ANKRD62: variants seen among roughly 807,000 people sequenced by gnomAD.
ANKRD62 encodes ankyrin repeat domain-containing protein 62.
In ANKRD62, 61 loss-of-function variants were observed where a neutral mutation model predicts 98.8. The observed-to-expected ratio is 0.62, with a 90% CI of 0.50 to 0.76. The LOEUF is 0.76. ANKRD62 is among the 30% of genes least tolerant of loss of function. The pLI, the probability that ANKRD62 is intolerant of heterozygous loss-of-function variation, is 0.00. For synonymous variants in ANKRD62, 341 were observed against 367.9 expected (o/e 0.93, Z 0.84); for missense variants, 933 against 1,082.9 (o/e 0.86, Z 1.94).
rs141294744 is a variant in ANKRD62, at chr18:12,098,768, A to G, written c.753-847A>G. On this transcript the variant is annotated intron_variant, in intron 5 of 13. Coordinates refer to ENST00000587848, the MANE Select transcript of ANKRD62 (RefSeq NM_001277333.2). The stretch of plus-strand genomic sequence containing the variant: ...AAAAATAACCACTTGCATCTCCTTC[A>G]TGACCCTTCAAAAATATGAGGGTTT... Among the ~76,000 whole-genome samples the G allele has an allele frequency of 7.1e-3, 1,076 of 152,290 alleles. 21 individuals are homozygous for G. The highest frequency in any genetic ancestry group is 0.025 in the African/African-American group (1,023 of 41,568).
downstream of ANKRD62, among the ~76,000 whole-genome samples, chr18:12,133,104 G>A (rs1248398589): frequency 6.6e-6 from 1 of 151,918 alleles, no homozygotes; most frequent in Non-Finnish European, 1.5e-5. Flanking sequence ...CTAGTAACCT[G>A]TATTCTACTT....
the ANKRD62 span, among the ~76,000 whole-genome samples, chr18:12,135,871 C>T: frequency 6.6e-6 from 1 of 151,868 alleles, no homozygotes; most frequent in Non-Finnish European, 1.5e-5. Context: ...ATATCCTTTG[C>T]CCACTTTTTG....
the ANKRD62 span, among the ~76,000 whole-genome samples, chr18:12,151,631 G>A: frequency 3.3e-5 from 5 of 152,008 alleles, no homozygotes; most frequent in African/African-American, 9.6e-5. Flanking sequence ...TCAAATTAAC[G>A]ACCTAACATC....
chr18:12,125,361 T>A (rs1035477877), intron 12 of ANKRD62, 99 bp from the exon 13 acceptor site: 1 of 1,118,490 alleles, frequency 8.9e-7, no homozygotes, highest in African/African-American at 1.6e-5. Flanking sequence ...AACTCTTTCA[T>A]TGTATAAACG....
chr18:12,098,055 T>C (rs529495627), intron 5 of ANKRD62, among the ~76,000 whole-genome samples: 1 of 152,326 alleles, frequency 6.6e-6, no homozygotes, highest in South Asian at 2.1e-4. Context: ...TTAGTTGGGA[T>C]AGTTCTAACC....
the ANKRD62 span, among the ~76,000 whole-genome samples, chr18:12,170,019 T>C: frequency 6.6e-6 from 1 of 152,220 alleles, no homozygotes; most frequent in Non-Finnish European, 1.5e-5. Context: ...TTCTTCTGTC[T>C]TTTCTTCTTT....
chr18:12,161,007 T>A, the ANKRD62 span, among the ~76,000 whole-genome samples: 2 of 152,094 alleles, frequency 1.3e-5, no homozygotes, highest in Non-Finnish European at 2.9e-5. Flanking sequence ...CACTAACAAG[T>A]TTTTACTTAA....
chr18:12,145,355 T>G, the ANKRD62 span, among the ~76,000 whole-genome samples: 1 of 152,220 alleles, frequency 6.6e-6, no homozygotes, highest in Non-Finnish European at 1.5e-5. Flanking sequence ...AACAAAGATG[T>G]CAGCCCATTT....
chr18:12,152,166 T>C, the ANKRD62 span, among the ~76,000 whole-genome samples: 1 of 104,890 alleles, frequency 9.5e-6, no homozygotes, highest in African/African-American at 3.8e-5. Flanking sequence ...CCATTTCTGC[T>C]GAAATGCTTC....
chr18:12,167,879 C>G, the ANKRD62 span, among the ~76,000 whole-genome samples: 1 of 152,142 alleles, frequency 6.6e-6, no homozygotes, highest in South Asian at 2.1e-4. Flanking sequence ...CTCTGATGGC[C>G]AGTCATGATG....
rs532535407 is a variant in ANKRD62 at position 12,115,024 on chromosome 18, G to C, written c.1065-64G>C. 4.7e-5 allele frequency: 58 copies of C among 1,221,300 alleles called. No homozygotes were observed. In the African/African-American group the frequency reaches 8.5e-4, roughly 18 times the overall value. The allele number at this position is 1,221,300 out of a possible 1,614,324, so 75.7% of individuals were successfully genotyped here. On this transcript the variant is annotated intron_variant, in intron 8 of 13. Coordinates refer to ENST00000587848, the MANE Select transcript of ANKRD62 (RefSeq NM_001277333.2). Reference sequence around the variant, plus strand: ...AGAGATTTTATATAAAAAAGTTTTAGATATTCTTTGTATTTTACATATTTA... The same window carrying C: ...AGAGATTTTATATAAAAAAGTTTTACATATTCTTTGTATTTTACATATTTA...
the ANKRD62 span, among the ~76,000 whole-genome samples, chr18:12,171,708 C>G: frequency 6.6e-6 from 1 of 152,176 alleles, no homozygotes; most frequent in Non-Finnish European, 1.5e-5. Context: ...TGGGGAAGTT[C>G]TCCTGGGTAA....
the ANKRD62 span, among the ~76,000 whole-genome samples, chr18:12,165,866 C>T: frequency 6.6e-6 from 1 of 151,870 alleles, no homozygotes; most frequent in Non-Finnish European, 1.5e-5. Flanking sequence ...GTTTTTGTTT[C>T]TCCTTCATGA....
the ANKRD62 span, among the ~76,000 whole-genome samples, chr18:12,140,995 G>A: frequency 6.0e-4 from 91 of 152,358 alleles, no homozygotes; most frequent in Non-Finnish European, 1.1e-3. Context: ...ATTGTGGTGG[G>A]CTCCACCCAG....
chr18:12,100,487 T>C (rs1909276887), intron 6 of ANKRD62, among the ~76,000 whole-genome samples: 2 of 152,158 alleles, frequency 1.3e-5, no homozygotes, highest in African/African-American at 4.8e-5. Flanking sequence ...TTCAAACCTG[T>C]GTTGTTCAGA....
intron 4 of ANKRD62, among the ~76,000 whole-genome samples, chr18:12,096,658 T>G (rs1449728343): frequency 6.6e-6 from 1 of 152,224 alleles, no homozygotes; most frequent in Admixed American, 6.5e-5. Flanking sequence ...ATTTCTTAAC[T>G]CTTTTATAGT....
intron 8 of ANKRD62, among the ~76,000 whole-genome samples, chr18:12,114,787 T>C (rs1598735097): frequency 6.6e-6 from 1 of 152,180 alleles, no homozygotes; most frequent in Non-Finnish European, 1.5e-5. Context: ...TATTTTTTTA[T>C]CAAATACTGC....
rs1383792632 is a variant in ANKRD62 at position 12,125,804 on chromosome 18, T to C, written c.1983T>C (p.Ala661=). The change falls in exon 13 of 14, where the codon GCT becomes GCC. Residue 661 remains alanine (A), a synonymous_variant. Transcript: ENST00000587848. ...TEMESYRCRL[A]AALCDHDQRQ... The stretch of plus-strand genomic sequence containing the variant: ...TGGAATCATACCGTTGTAGACTGGC[T>C]GCTGCCCTATGTGATCATGATCAAC... 5 of 1,549,542 alleles carry C rather than the reference T, an allele frequency of 3.2e-6. No homozygotes were observed. Among genetic ancestry groups the C allele is most frequent in the Non-Finnish European group, 4.4e-6 (5 of 1,147,126 alleles).
At chr18:12,134,400 G>A (rs1014852910), downstream of ANKRD62, among the ~76,000 whole-genome samples, 4 of 151,730 alleles carry the variant, frequency 2.6e-5, no homozygotes, top group East Asian at 1.9e-4. Context: ...TATACTTTAA[G>A]TTTTAGGGTA....
Sources: allele counts gnomAD v4.1 joint callset (sites outside exome capture counted in the v4.1 genomes callset), GRCh38; gene constraint gnomAD v4.1.1; transcripts MANE v1.5; gene names NCBI Gene and HGNC (gene_info 2026-07-23, HGNC 2026-07-21).